The following FOXP1 variants were observed in gnomAD, a reference collection of about 807,000 sequenced individuals.
FOXP1 encodes the protein forkhead box P1.
A neutral mutation model predicts 98.2 loss-of-function variants in FOXP1; 15 were observed. That is an observed-to-expected ratio of 0.15 (90% CI 0.10 to 0.24). The LOEUF (loss-of-function observed/expected upper bound fraction) is 0.24. FOXP1 is among the 10% of genes least tolerant of loss of function. The pLI is 1.00. For synonymous variants in FOXP1, 371 were observed against 314.5 expected, an observed-to-expected ratio of 1.18 and a Z score of -1.90; for missense variants, 633 against 848.5, an observed-to-expected ratio of 0.75 and a Z score of 3.15.
chr3:71,314,305 C>T (rs1166727031), intron 4 of FOXP1, among the ~76,000 whole-genome samples: 5 of 152,020 alleles, frequency 3.3e-5, no homozygotes, highest in Admixed American at 1.3e-4. Flanking sequence ...CTGAGGTGGG[C>T]GGATCTCAAG....
intron 2 of FOXP1, among the ~76,000 whole-genome samples, chr3:71,580,059 C>G (rs1315853967): frequency 2.6e-5 from 4 of 151,700 alleles, no homozygotes; most frequent in African/African-American, 9.7e-5. Flanking sequence ...GTCCAGGGTT[C>G]TCCGTGTAGC....
At chr3:71,215,167 A>G (rs1242812978) in intron 5 of FOXP1, among the ~76,000 whole-genome samples, 1 of 152,244 alleles carries the variant, frequency 6.6e-6, no homozygotes, top group Non-Finnish European at 1.5e-5. Context: ...TTTCTAGCTC[A>G]GCCAATTTTT....
intron 20 of FOXP1, among the ~76,000 whole-genome samples, chr3:70,961,331 A>G (rs568194908): frequency 6.6e-6 from 1 of 152,194 alleles, no homozygotes; most frequent in Admixed American, 6.5e-5. Flanking sequence ...CCCAGGCTCA[A>G]GTAATTCTTC....
At chr3:71,582,900 C>G in intron 1 of FOXP1, 1 of 751,434 alleles carries the variant, frequency 1.3e-6, no homozygotes, top group Non-Finnish European at 1.6e-6. Context: ...GTGCGGGGCC[C>G]AGGGCCAGGC....
chr3:71,341,123 A>G (rs1477515296), intron 4 of FOXP1, among the ~76,000 whole-genome samples: 1 of 151,686 alleles, frequency 6.6e-6, no homozygotes, highest in African/African-American at 2.4e-5. Flanking sequence ...CAGGCCTAGG[A>G]ACCAACCAAC....
chr3:71,000,868 C>A, intron 13 of FOXP1, 104 bp downstream of exon 13: 1 of 661,944 alleles, frequency 1.5e-6, no homozygotes, highest in Non-Finnish European at 2.8e-6. Flanking sequence ...AGGTTTTGGA[C>A]CTTCCATTCA....
At chr3:71,336,970 T>C (rs2076724132) in intron 4 of FOXP1, among the ~76,000 whole-genome samples, 1 of 152,040 alleles carries the variant, frequency 6.6e-6, no homozygotes, top group African/African-American at 2.4e-5. Flanking sequence ...CTCTGAAAGG[T>C]GGTAAAGTAC....
chr3:71,574,612 A>G (rs2047586756), intron 2 of FOXP1, among the ~76,000 whole-genome samples: 1 of 152,202 alleles, frequency 6.6e-6, no homozygotes, highest in Non-Finnish European at 1.5e-5. Context: ...TGGGAAAATC[A>G]AAATACTTCT....
At chr3:71,293,973 C>T (rs148455506) in intron 5 of FOXP1, among the ~76,000 whole-genome samples, 128 of 152,178 alleles carry the variant, frequency 8.4e-4, no homozygotes, top group Non-Finnish European at 1.3e-3. Context: ...TTTTAAATGC[C>T]TAGATGAACC....
chr3:71,005,761 A>G (rs939665976), intron 12 of FOXP1, among the ~76,000 whole-genome samples: 1 of 152,184 alleles, frequency 6.6e-6, no homozygotes, highest in African/African-American at 2.4e-5. Context: ...AATCCAAAGC[A>G]GAAAAGGAAA....
intron 4 of FOXP1, among the ~76,000 whole-genome samples, chr3:71,355,007 A>G (rs2078055112): frequency 6.6e-6 from 1 of 152,226 alleles, no homozygotes; most frequent in Non-Finnish European, 1.5e-5. Context: ...GTGGCAAATG[A>G]TTCTGTCTTC....
At chr3:71,582,057 G>A (rs1012082167) in intron 1 of FOXP1, 12 of 983,796 alleles carry the variant, frequency 1.2e-5, no homozygotes, top group Non-Finnish European at 1.4e-5. Flanking sequence ...ATTCTCACAG[G>A]GGGCGGGAGC....
intron 3 of FOXP1, among the ~76,000 whole-genome samples, chr3:71,460,563 A>C (rs547608093): frequency 1.3e-5 from 2 of 152,056 alleles, no homozygotes; most frequent in African/African-American, 4.8e-5. Flanking sequence ...CAGCCTCCCA[A>C]GTAGCTGGGA....
intron 4 of FOXP1, among the ~76,000 whole-genome samples, chr3:71,338,291 C>T (rs1017711417): frequency 1.3e-5 from 2 of 151,920 alleles, no homozygotes; most frequent in Non-Finnish European, 2.9e-5. Context: ...GTCCACTAAT[C>T]CTCTTCGGTT....
Position 71,266,326 on chromosome 3 carries a change from T to C in FOXP1, c.-12+33494A>G, listed in dbSNP as rs555625275. On this transcript the variant is annotated intron_variant, in intron 5 of 20. Coordinates refer to ENST00000649528, the MANE Select transcript of FOXP1 (RefSeq NM_001349338.3). Reference sequence around the variant, plus strand: ...GCACAGTGGCTTGATCTCAGCTCACTGCAACCTCTGCCCCCCAGGTTTAAG... The same window carrying C: ...GCACAGTGGCTTGATCTCAGCTCACCGCAACCTCTGCCCCCCAGGTTTAAG... Among the ~76,000 whole-genome samples, 41 of 152,218 alleles carry C rather than the reference T, an allele frequency of 2.7e-4. 1 individual carries two copies. The highest frequency in any genetic ancestry group is 9.4e-4 in the African/African-American group (39 of 41,560).
chr3:71,055,063 C>A (rs773883751), intron 7 of FOXP1, among the ~76,000 whole-genome samples: 1 of 152,012 alleles, frequency 6.6e-6, no homozygotes, highest in Non-Finnish European at 1.5e-5. Context: ...GGCAGAAATG[C>A]AGTATTAATT....
At chr3:71,233,266 G>C (rs1169318193) in intron 5 of FOXP1, among the ~76,000 whole-genome samples, 2 of 139,574 alleles carry the variant, frequency 1.4e-5, no homozygotes, top group East Asian at 4.9e-4. Context: ...AAGGGGAGGA[G>C]AGAGGAGGGG....
At chr3:71,576,903 C>A (rs1458354291) in intron 2 of FOXP1, among the ~76,000 whole-genome samples, 1 of 152,138 alleles carries the variant, frequency 6.6e-6, no homozygotes, top group Middle Eastern at 3.2e-3. Flanking sequence ...TTTTTTCTCA[C>A]TCTAAGTCCC....
chr3:71,226,576 T>C (rs2065856398), intron 5 of FOXP1, among the ~76,000 whole-genome samples: 1 of 151,864 alleles, frequency 6.6e-6, no homozygotes, highest in South Asian at 2.1e-4. Context: ...CTCTCCTGTC[T>C]CTCTCCCTCT....
Sources: allele counts gnomAD v4.1 joint callset (sites outside exome capture counted in the v4.1 genomes callset), GRCh38; gene constraint gnomAD v4.1.1; transcripts MANE v1.5; gene names NCBI Gene and HGNC (gene_info 2026-07-23, HGNC 2026-07-21).